The following FER1L5 variants were observed in gnomAD, a reference collection of about 807,000 sequenced individuals.
FER1L5 encodes the protein fer-1-like protein 5.
FER1L5 carries 187 observed loss-of-function variants against 279.9 expected under a neutral mutation model. The observed-to-expected ratio is 0.67, with a 90% CI of 0.59 to 0.75. The LOEUF (loss-of-function observed/expected upper bound fraction) is 0.75. Ranked by LOEUF, FER1L5 falls within the 30% of genes least tolerant of loss-of-function variation. The probability of loss-of-function intolerance (pLI) is 0.00; values close to 1 mark genes in which losing one functional copy is unlikely to be tolerated. For synonymous variants in FER1L5, 921 were observed against 989.7 expected, an observed-to-expected ratio of 0.93 and a Z score of 1.30; for missense variants, 2,091 against 2,594.4, an observed-to-expected ratio of 0.81 and a Z score of 4.21.
chr2:96,693,857 A>C, intron 32 of FER1L5, 54 bp from the exon 33 acceptor site: 2 of 1,494,388 alleles, frequency 1.3e-6, no homozygotes, highest in Non-Finnish European at 1.8e-6. Context: ...AAGCCCAGAC[A>C]GAGCTGGGCC....
At chr2:96,684,583 A>G (rs190908569) in intron 20 of FER1L5, 132 bp downstream of exon 20, 1 of 1,333,928 alleles carries the variant, frequency 7.5e-7, no homozygotes, top group Admixed American at 2.5e-5. Context: ...CACTGTTGAG[A>G]AGAATGTGCC....
At chr2:96,690,656 G>A (rs1211338788) in intron 27 of FER1L5, 67 bp downstream of exon 27, 6 of 1,436,766 alleles carry the variant, frequency 4.2e-6, no homozygotes, top group Non-Finnish European at 4.8e-6. Flanking sequence ...AGCCAGCAGG[G>A]TGGGATCAGA....
chr2:96,661,341 G>C lies in FER1L5; in HGVS notation c.795G>C (p.Arg265Ser). The C allele has an allele frequency of 6.4e-7, 1 of 1,550,510 alleles. No homozygotes were observed. The highest frequency in any genetic ancestry group is 1.2e-5 in the South Asian group (1 of 84,014). ...IYHSPGHTLL[R>S]KWLGLCQPNN... ...CCTCTCTAGGTCACACACTCCTAAG[G>C]AAATGGCTAGGCCTCTGCCAGCCAA... Residue 265 changes from arginine to serine, a missense_variant, in exon 11 of 53, where the codon AGG (arginine) becomes AGC (serine). Physicochemically the swap from Arg to Ser is moderately radical, Grantham distance 110 (BLOSUM62 -1). Coordinates refer to ENST00000624922, the MANE Select transcript of FER1L5 (RefSeq NM_001293083.2).
rs998814851 is a variant in FER1L5, at chr2:96,649,690, C to G, written c.394+13C>G. The stretch of plus-strand genomic sequence containing the variant: ...ATTGAGAAGACAGGTATGTCCTTCC[C>G]TGGAGCTTACCCTTAAGGGCCTACC... On this transcript the variant is annotated intron_variant, in intron 5 of 52. Coordinates refer to ENST00000624922, the MANE Select transcript of FER1L5 (RefSeq NM_001293083.2). 1 of 1,551,430 alleles carries G rather than the reference C, an allele frequency of 6.4e-7. No homozygotes were observed. The highest frequency in any genetic ancestry group is 8.7e-7 in the Non-Finnish European group (1 of 1,146,874).
chr2:96,704,635 A>C lies in FER1L5; in HGVS notation c.6117A>C (p.Pro2039=). The C allele has an allele frequency of 6.2e-7, 1 of 1,614,034 alleles. No homozygotes were observed. Among genetic ancestry groups the C allele is most frequent in the South Asian group, 1.1e-5 (1 of 91,084 alleles). Residue 2039 remains proline (P), a synonymous_variant, in exon 53 of 53, where the codon CCA becomes CCC. Transcript: ENST00000624922. ...PTIDHEWKLH[P]GPTNHLSDIF... Reference sequence around the variant, plus strand: ...TAGACCATGAGTGGAAACTCCACCCAGGACCCACAAATCACCTGAGTGATA... The same window carrying C: ...TAGACCATGAGTGGAAACTCCACCCCGGACCCACAAATCACCTGAGTGATA...
intron 9 of FER1L5, among the ~76,000 whole-genome samples, chr2:96,657,517 C>G (rs1179831138): frequency 6.6e-6 from 1 of 152,156 alleles, no homozygotes; most frequent in Non-Finnish European, 1.5e-5. Flanking sequence ...TGAATATACT[C>G]ATCACATCTG....
At chr2:96,665,266 C>T (rs1278372130) in intron 14 of FER1L5, among the ~76,000 whole-genome samples, 2 of 152,204 alleles carry the variant, frequency 1.3e-5, no homozygotes, top group Non-Finnish European at 2.9e-5. Context: ...TTTCCTCATA[C>T]CTTACATTGT....
At position 96,698,568 on chromosome 2, in the gene FER1L5, C is replaced by T. The variant is rs554918181; in HGVS notation, c.4357-103C>T. 13 of 1,021,966 alleles carry T rather than the reference C, an allele frequency of 1.3e-5. No homozygotes were observed. In the South Asian group the frequency reaches 1.9e-4, roughly 15 times the overall value. 63.3% of individuals were successfully genotyped at this position (1,021,966 alleles called of 1,614,324 possible). ...GCCTTCTATCCCTGCCACCCTCAGC[C>T]CAACCCTCTCTCTCCTGAACATGGG... On this transcript the variant is annotated intron_variant, in intron 40 of 52. Transcript: ENST00000624922. This position sits in a 1 kb window ranked among gnomAD's most constrained non-coding sequence, Gnocchi z 5.5.
At chr2:96,679,803 C>T (rs549410996) in intron 19 of FER1L5, among the ~76,000 whole-genome samples, 14 of 152,198 alleles carry the variant, frequency 9.2e-5, no homozygotes, top group South Asian at 2.1e-4. Flanking sequence ...CATTTCATTT[C>T]GGTTACTTTT....
At position 96,686,242 on chromosome 2, in the gene FER1L5, G is replaced by C. The variant is rs1184247507; in HGVS notation, c.2121G>C (p.Glu707Asp). The change falls in exon 23 of 53, where the codon GAG becomes GAC. Residue 707 changes from glutamate (E) to aspartate (D), a missense_variant. By Grantham distance (45) the Glu-to-Asp change is conservative. Coordinates refer to ENST00000624922, the MANE Select transcript of FER1L5 (RefSeq NM_001293083.2). Reference sequence around the variant, plus strand: ...TGATGATTTGGCTGGTGGCCAAGGAGCAGCGAGTGGCCTATGCACAGGTGC... The same window carrying C: ...TGATGATTTGGCTGGTGGCCAAGGACCAGCGAGTGGCCTATGCACAGGTGC... ...PDVMIWLVAK[E>D]QRVAYAQVPA... The C allele has an allele frequency of 6.4e-7, 1 of 1,551,496 alleles. No homozygotes were observed. Among genetic ancestry groups the C allele is most frequent in the South Asian group, 1.2e-5 (1 of 84,062 alleles).
chr2:96,688,316 A>G (rs2077011921), intron 24 of FER1L5, among the ~76,000 whole-genome samples: 1 of 152,166 alleles, frequency 6.6e-6, no homozygotes, highest in Admixed American at 6.5e-5. Flanking sequence ...TGAAGTGAGC[A>G]AGGCTCTGAC....
chr2:96,703,280 T>G lies in FER1L5; in HGVS notation c.5625T>G (p.Phe1875Leu). 6.2e-7 allele frequency: 1 copy of G among 1,613,840 alleles called. No homozygotes were observed. Among genetic ancestry groups the G allele is most frequent in the Non-Finnish European group, 8.5e-7 (1 of 1,179,846 alleles). The change falls in exon 50 of 53, where the codon TTT (phenylalanine) becomes TTG (leucine). Residue 1875 changes from phenylalanine (F) to leucine (L), a missense_variant. Physicochemically the swap from Phe to Leu is conservative, Grantham distance 22. Transcript: ENST00000624922. Reference protein sequence around the residue: ...YFIQYKHFSLFKKKTVTGWWP... With the variant: ...YFIQYKHFSLLKKKTVTGWWP... ...TCCAATACAAGCACTTCTCCCTCTT[T>G]AAGAAGAAGACTGTGACTGGCTGGT...
intron 14 of FER1L5, among the ~76,000 whole-genome samples, chr2:96,664,028 A>G (rs1029877239): frequency 2.6e-5 from 4 of 152,022 alleles, no homozygotes; most frequent in African/African-American, 9.7e-5. Flanking sequence ...TTGAGCAAAC[A>G]CTTCAGCTAA....
At chr2:96,665,421 T>G (rs1653248712) in intron 14 of FER1L5, among the ~76,000 whole-genome samples, 2 of 152,120 alleles carry the variant, frequency 1.3e-5, no homozygotes, top group South Asian at 4.1e-4. Context: ...GATGATTTTA[T>G]AGACTCTGAA....
At chr2:96,668,610 T>C in intron 14 of FER1L5, 141 bp from the exon 15 acceptor site, 1 of 970,870 alleles carries the variant, frequency 1.0e-6, no homozygotes, top group Non-Finnish European at 1.6e-6. Flanking sequence ...AAAATCCAGC[T>C]TTTCTATGAT....
chr2:96,675,196 A>T (rs910721475), intron 19 of FER1L5, among the ~76,000 whole-genome samples: 2 of 152,166 alleles, frequency 1.3e-5, no homozygotes, highest in African/African-American at 2.4e-5. Flanking sequence ...GTAGGCATTT[A>T]GGTTGTATCT....
At chr2:96,686,641 G>A (rs909277952) in intron 23 of FER1L5, among the ~76,000 whole-genome samples, 6 of 151,988 alleles carry the variant, frequency 3.9e-5, no homozygotes, top group African/African-American at 1.5e-4. Context: ...GATCACCTGA[G>A]GTCAGGAGTT....
intron 23 of FER1L5, 70 bp from the exon 24 acceptor site, chr2:96,687,746 C>T (rs1367927023): frequency 6.5e-7 from 1 of 1,536,352 alleles, no homozygotes; most frequent in Non-Finnish European, 8.8e-7. Context: ...GTACAGCCCA[C>T]TTGGGGGGTG....
chr2:96,671,106 C>CAAAA lies in FER1L5; in HGVS notation c.1491+878_1491+881dup, dbSNP rs750341048. Among the ~76,000 whole-genome samples the CAAAA allele has an allele frequency of 3.5e-4, 14 of 40,220 alleles. 3 individuals carry two copies. Among genetic ancestry groups the CAAAA allele is most frequent in the South Asian group, 1.3e-3 (1 of 766 alleles). The allele number at this position is 40,220 out of a possible 152,430, so 26.4% of individuals were successfully genotyped here. On this transcript the variant is annotated intron_variant, in intron 18 of 52. Transcript: ENST00000624922. ...TGGGTGACAGAGTGAGACTCCATCT[C>CAAAA]AAAAAAAAAAAAAAAAAAAAAAGGA...
Sources: allele counts gnomAD v4.1 joint callset (sites outside exome capture counted in the v4.1 genomes callset), GRCh38; gene constraint gnomAD v4.1.1; non-coding constraint Gnocchi (gnomAD v3.1); transcripts MANE v1.5; gene names NCBI Gene and HGNC (gene_info 2026-07-23, HGNC 2026-07-21).